IQSEC3: variants seen among roughly 807,000 people sequenced by gnomAD.
IQSEC3 encodes the protein IQ motif and Sec7 domain ArfGEF 3, also known as IQ motif and SEC7 domain-containing protein 3.
Under a neutral mutation model 105.4 loss-of-function variants are expected in IQSEC3, and 50 were observed. The ratio of observed to expected loss-of-function variants is 0.47; its 90% CI spans 0.38 to 0.60. The LOEUF (loss-of-function observed/expected upper bound fraction) is 0.60. Ranked by LOEUF, IQSEC3 falls within the 20% of genes least tolerant of loss-of-function variation. The pLI is 0.00. For synonymous variants in IQSEC3, 708 were observed against 746.0 expected, an observed-to-expected ratio of 0.95 and a Z score of 0.83; for missense variants, 1,415 against 1,630.0, an observed-to-expected ratio of 0.87 and a Z score of 2.27.
chr12:165,266 G>T (rs906216882), intron 9 of IQSEC3, 168 bp from the exon 10 acceptor site: 3 of 632,594 alleles, frequency 4.7e-6, no homozygotes, highest in Middle Eastern at 3.6e-4. Context: ...GTGCAGTGAA[G>T]AAGCACATTT....
intron 2 of IQSEC3, among the ~76,000 whole-genome samples, chr12:118,320 A>T (rs1208925864): frequency 6.6e-6 from 1 of 151,978 alleles, no homozygotes; most frequent in Non-Finnish European, 1.5e-5. Flanking sequence ...ACCTCAAAAG[A>T]CACCTGGCTT....
chr12:125,973 TCG>T, intron 3 of IQSEC3, 61 bp downstream of exon 3: 1 of 1,481,102 alleles, frequency 6.8e-7, no homozygotes. Flanking sequence ...TTGGGGGCTG[TCG>T]AGGGTACCAG....
intron 1 of IQSEC3, among the ~76,000 whole-genome samples, chr12:88,423 C>T (rs995071675): frequency 1.3e-5 from 2 of 152,190 alleles, no homozygotes; most frequent in Admixed American, 6.5e-5. Context: ...TCACTGTTTT[C>T]CTAGGACTCT....
In IQSEC3 at chr12:152,057, G is replaced by C. The variant is rs1481746251; in HGVS notation, c.2154-4968G>C. Among the ~76,000 whole-genome samples, 2 of 152,144 alleles carry C rather than the reference G, an allele frequency of 1.3e-5. No individual in the cohort carries two copies. Among genetic ancestry groups the C allele is most frequent in the Admixed American group, 1.3e-4 (2 of 15,280 alleles). ...GTTCAATGCCTGTCTCTCCCACCAA[G>C]ACAGAGACTGTGTTGCTGGCCACTT... On this transcript the variant is annotated intron_variant, in intron 5 of 13. Coordinates refer to ENST00000538872, the MANE Select transcript of IQSEC3 (RefSeq NM_001170738.2). The surrounding 1 kb of genome is among the most constrained non-coding windows in gnomAD (Gnocchi z 4.8).
chr12:87,986 G>A (rs1448434453), intron 1 of IQSEC3, among the ~76,000 whole-genome samples: 2 of 152,232 alleles, frequency 1.3e-5, no homozygotes, highest in African/African-American at 2.4e-5. Context: ...ACCGAAAGGA[G>A]GACTATGGCG....
chr12:70,071 T>C (rs1275847489), intron 1 of IQSEC3, among the ~76,000 whole-genome samples: 15 of 152,272 alleles, frequency 9.9e-5, no homozygotes, highest in Admixed American at 6.5e-4. Flanking sequence ...AATCATGGGT[T>C]TCCTGTGAAT....
At chr12:148,718 A>C (rs1440968228) in intron 5 of IQSEC3, 1 of 152,230 alleles carries the variant, frequency 6.6e-6, no homozygotes, top group East Asian at 1.9e-4. Flanking sequence ...AGAAGCCAAC[A>C]ACTGCCAAAT....
chr12:142,445 ATTTCTAAATCCACTGAC>A (rs1360896156), intron 5 of IQSEC3: 3 of 152,172 alleles, frequency 2.0e-5, no homozygotes, highest in African/African-American at 7.2e-5. Flanking sequence ...TCCCTGTCAC[ATTTCTAAATCCACTGAC>A]GCGGTGGTTT....
chr12:157,019 C>A lies in IQSEC3; in HGVS notation c.2154-6C>A. Reference sequence around the variant, plus strand: ...CTGACCTCACACCCTCCCTGCCTGCCCTCAGCTGCGTGGTGGACGAGATGG... The same window carrying A: ...CTGACCTCACACCCTCCCTGCCTGCACTCAGCTGCGTGGTGGACGAGATGG... On this transcript the variant is annotated splice_polypyrimidine_tract_variant and splice_region_variant and intron_variant, in intron 5 of 13. Transcript: ENST00000538872. 6.3e-7 allele frequency: 1 copy of A among 1,591,804 alleles called. No individual in the cohort carries two copies. Among genetic ancestry groups the A allele is most frequent in the Non-Finnish European group, 8.6e-7 (1 of 1,168,328 alleles).
chr12:163,741 G>T, intron 9 of IQSEC3, 122 bp downstream of exon 9: 2 of 740,588 alleles, frequency 2.7e-6, no homozygotes, highest in Admixed American at 2.3e-5. Flanking sequence ...CAGAATGCCT[G>T]TTCCGTGGGA....
chr12:161,468 T>G (rs1026147504), intron 7 of IQSEC3, among the ~76,000 whole-genome samples: 14 of 152,126 alleles, frequency 9.2e-5, no homozygotes, highest in African/African-American at 3.1e-4. Context: ...CCATGCTCCC[T>G]ACTGGAGGGG....
chr12:107,815 G>T (rs1555078465), intron 2 of IQSEC3, among the ~76,000 whole-genome samples: 2 of 115,930 alleles, frequency 1.7e-5, no homozygotes, highest in East Asian at 5.0e-4. Context: ...CGTAATTCTT[G>T]AGTATTGCAT....
rs7973755 is a variant in IQSEC3 at position 140,639 on chromosome 12, A to G, written c.1992-485A>G. 4.7e-4 allele frequency: 74 copies of G among 156,692 alleles called. No individual in the cohort carries two copies. The South Asian group carries it at 0.015, about 32-fold the overall frequency. 9.7% of individuals were successfully genotyped at this position (156,692 alleles called of 1,614,324 possible). A position where few individuals can be genotyped will look rare whatever the true frequency, so the allele number is the denominator to read the frequency against. The stretch of plus-strand genomic sequence containing the variant: ...TGTCGAAATGCTATGGGAGGTTCTC[A>G]GTGCTTACCTTGTGTTTCTGTACTT... On this transcript the variant is annotated intron_variant, in intron 4 of 13. Coordinates refer to ENST00000538872, the MANE Select transcript of IQSEC3 (RefSeq NM_001170738.2).
At chr12:113,865 G>A (rs1450552042) in intron 2 of IQSEC3, among the ~76,000 whole-genome samples, 2 of 152,178 alleles carry the variant, frequency 1.3e-5, no homozygotes, top group Non-Finnish European at 2.9e-5. Flanking sequence ...AGAGAGGCGA[G>A]GAAGTGGCAA....
At chr12:118,340 G>A (rs907020374) in intron 2 of IQSEC3, among the ~76,000 whole-genome samples, 12 of 152,054 alleles carry the variant, frequency 7.9e-5, no homozygotes, top group Admixed American at 4.6e-4. Flanking sequence ...TTCTGTGCTC[G>A]GTGCCTTTAT....
intron 5 of IQSEC3, among the ~76,000 whole-genome samples, chr12:153,926 C>G (rs1485747721): frequency 6.6e-6 from 1 of 152,154 alleles, no homozygotes; most frequent in Non-Finnish European, 1.5e-5. Flanking sequence ...GACTTGCCCC[C>G]AAATATTCTA....
chr12:119,888 C>T (rs550041781), intron 2 of IQSEC3, among the ~76,000 whole-genome samples: 3 of 152,144 alleles, frequency 2.0e-5, no homozygotes, highest in Non-Finnish European at 2.9e-5. Flanking sequence ...GCACTCTCCA[C>T]AGTGCTCCCA....
At chr12:147,102 A>C (rs1866307267) in intron 5 of IQSEC3, among the ~76,000 whole-genome samples, 1 of 152,212 alleles carries the variant, frequency 6.6e-6, no homozygotes, top group African/African-American at 2.4e-5. Context: ...CCTGCCACCC[A>C]GTCCTCCCCT....
intron 5 of IQSEC3, among the ~76,000 whole-genome samples, chr12:153,863 G>C (rs1432862959): frequency 2.0e-5 from 3 of 152,170 alleles, no homozygotes; most frequent in African/African-American, 4.8e-5. Flanking sequence ...TCAGTCTTTG[G>C]TTTCACAATT....
Sources: allele counts gnomAD v4.1 joint callset (sites outside exome capture counted in the v4.1 genomes callset), GRCh38; gene constraint gnomAD v4.1.1; non-coding constraint Gnocchi (gnomAD v3.1); transcripts MANE v1.5; gene names NCBI Gene and HGNC (gene_info 2026-07-23, HGNC 2026-07-21).